The following MCTP1 variants were observed in gnomAD, a reference collection of about 807,000 sequenced individuals.
MCTP1 encodes the protein multiple C2 and transmembrane domain-containing protein 1.
In MCTP1, 69 loss-of-function variants were observed where a neutral mutation model predicts 120.6. The ratio of observed to expected loss-of-function variants is 0.57; its 90% CI spans 0.47 to 0.70. MCTP1 has a LOEUF of 0.70. Among genes scored for constraint, MCTP1 ranks in the 30% least tolerant of loss-of-function variants. The pLI, the probability that MCTP1 is intolerant of heterozygous loss-of-function variation, is 0.00. For missense variants in MCTP1, 1,203 were observed against 1,248.8 expected (o/e 0.96, Z 0.55); for synonymous variants, 529 against 493.1 (o/e 1.07, Z -0.96).
chr5:94,953,898 T>TA lies in MCTP1; in HGVS notation c.839-538dup, dbSNP rs375924579. ...ATATATATGCATATATATACAAATA[T>TA]ATATATGCATATATATACAAATATA... On this transcript the variant is annotated intron_variant, in intron 2 of 22. Transcript: ENST00000515393. Among the ~76,000 whole-genome samples, 33 of 73,512 alleles carry TA rather than the reference T, an allele frequency of 4.5e-4. 3 individuals carry two copies. The highest frequency in any genetic ancestry group is 7.8e-4 in the Admixed American group (5 of 6,422). 48.2% of individuals were successfully genotyped at this position (73,512 alleles called of 152,430 possible).
At chr5:94,933,133 A>G (rs933252620) in intron 5 of MCTP1, among the ~76,000 whole-genome samples, 5 of 151,970 alleles carry the variant, frequency 3.3e-5, no homozygotes, top group Non-Finnish European at 4.4e-5. Flanking sequence ...AATGTTGACC[A>G]AAACATAAAA....
At chr5:95,176,253 G>T (rs1747961834) in intron 1 of MCTP1, among the ~76,000 whole-genome samples, 1 of 152,140 alleles carries the variant, frequency 6.6e-6, no homozygotes, top group South Asian at 2.1e-4. Flanking sequence ...GGCCATGCGT[G>T]GTGGCTCACG....
intron 4 of MCTP1, among the ~76,000 whole-genome samples, chr5:94,941,487 C>T (rs575919473): frequency 6.6e-6 from 1 of 151,988 alleles, no homozygotes; most frequent in Non-Finnish European, 1.5e-5. Context: ...TTATATTTCT[C>T]TAGTCATCTA....
chr5:95,275,438 TCTTGGCTC>T (rs1309724345), intron 1 of MCTP1, among the ~76,000 whole-genome samples: 1 of 152,170 alleles, frequency 6.6e-6, no homozygotes, highest in East Asian at 1.9e-4. Flanking sequence ...CACCAAACCC[TCTTGGCTC>T]CTTGTCTTTA....
rs912056492 is a variant in MCTP1 at position 94,791,009 on chromosome 5, G to A, written c.2556+8004C>T. On this transcript the variant is annotated intron_variant, in intron 18 of 22. Transcript: ENST00000515393. The stretch of plus-strand genomic sequence containing the variant: ...TCAAGCGGGCCAGGCGCGGTGCCTC[G>A]CGCCTGTAATCCCAGCACTTTGGGA... Among the ~76,000 whole-genome samples, 5 of 150,258 alleles carry A rather than the reference G, an allele frequency of 3.3e-5. No homozygotes were observed. The South Asian group carries it at 6.3e-4, about 19-fold the overall frequency.
chr5:95,108,584 C>A (rs969257319), intron 1 of MCTP1, among the ~76,000 whole-genome samples: 1 of 152,170 alleles, frequency 6.6e-6, no homozygotes. Context: ...ACCCCTGCAC[C>A]CTTCAAGTCA....
chr5:95,050,107 A>G (rs1279210417), intron 1 of MCTP1, among the ~76,000 whole-genome samples: 5 of 151,990 alleles, frequency 3.3e-5, no homozygotes, highest in Admixed American at 6.6e-5. Flanking sequence ...AACATGTCCC[A>G]TAGCTTAGGG....
intron 2 of MCTP1, among the ~76,000 whole-genome samples, chr5:94,988,874 A>T (rs1307620303): frequency 2.6e-5 from 4 of 152,098 alleles, no homozygotes; most frequent in African/African-American, 7.2e-5. Context: ...AGAGAATGAG[A>T]GTCCAGCAGA....
At chr5:94,814,685 G>A (rs1438833022) in intron 17 of MCTP1, among the ~76,000 whole-genome samples, 2 of 151,902 alleles carry the variant, frequency 1.3e-5, no homozygotes, top group Admixed American at 6.6e-5. Flanking sequence ...TGAAAAAAAT[G>A]CCAAGGAAAA....
chr5:94,715,363 CAAAAAAAAA>C (rs35567390), intron 19 of MCTP1, among the ~76,000 whole-genome samples: 10 of 70,542 alleles, frequency 1.4e-4, no homozygotes, highest in African/African-American at 5.4e-4. Context: ...ATGAAAACTA[CAAAAAAAAA>C]AAAAAAAAAA....
chr5:94,894,067 G>T (rs986710295), intron 11 of MCTP1, among the ~76,000 whole-genome samples: 6 of 152,148 alleles, frequency 3.9e-5, no homozygotes, highest in African/African-American at 9.7e-5. Context: ...AATTTGAAGA[G>T]GGTAGTCATT....
At chr5:94,865,483 T>C (rs950811931) in intron 17 of MCTP1, among the ~76,000 whole-genome samples, 3 of 151,768 alleles carry the variant, frequency 2.0e-5, no homozygotes, top group Non-Finnish European at 4.4e-5. Flanking sequence ...GTAGAACCGA[T>C]ATTATGATAA....
intron 1 of MCTP1, among the ~76,000 whole-genome samples, chr5:95,131,056 T>G (rs1198283671): frequency 6.6e-6 from 1 of 152,222 alleles, no homozygotes; most frequent in Non-Finnish European, 1.5e-5. Context: ...TTCAATCCAT[T>G]CTGAGAACTG....
chr5:94,782,709 A>G (rs1475685198), intron 18 of MCTP1, among the ~76,000 whole-genome samples: 1 of 145,072 alleles, frequency 6.9e-6, no homozygotes, highest in Non-Finnish European at 1.6e-5. Flanking sequence ...CTCTTCAAAT[A>G]AAACCAAATA....
At chr5:95,057,736 C>T (rs143344144) in intron 1 of MCTP1, among the ~76,000 whole-genome samples, 12 of 152,152 alleles carry the variant, frequency 7.9e-5, no homozygotes, top group East Asian at 7.7e-4. Flanking sequence ...CAGATTTTTC[C>T]GAGAGCAGTC....
At chr5:95,011,558 C>G (rs1040883651) in intron 2 of MCTP1, among the ~76,000 whole-genome samples, 2 of 151,972 alleles carry the variant, frequency 1.3e-5, no homozygotes, top group South Asian at 2.1e-4. Flanking sequence ...CTCATGATAT[C>G]GAGTGAATTC....
intron 18 of MCTP1, among the ~76,000 whole-genome samples, chr5:94,795,985 G>T (rs1218010957): frequency 6.6e-6 from 1 of 152,134 alleles, no homozygotes; most frequent in Admixed American, 6.5e-5. Flanking sequence ...AATCTTAAAG[G>T]TCTCCAAGAA....
At chr5:95,146,501 T>C (rs1469207474) in intron 1 of MCTP1, among the ~76,000 whole-genome samples, 1 of 152,210 alleles carries the variant, frequency 6.6e-6, no homozygotes, top group Non-Finnish European at 1.5e-5. Context: ...TCTTTCTAAC[T>C]TCTTGATGAA....
chr5:95,203,621 A>C (rs896799255), intron 1 of MCTP1, among the ~76,000 whole-genome samples: 1 of 152,224 alleles, frequency 6.6e-6, no homozygotes, highest in African/African-American at 2.4e-5. Context: ...TGCACATTTA[A>C]AAATTAATCA....
Sources: gnomAD v4.1 joint callset for allele counts (sites outside exome capture counted in the v4.1 genomes callset) on GRCh38, gnomAD v4.1.1 for gene constraint, MANE v1.5 for transcripts, NCBI Gene and HGNC (gene_info 2026-07-23, HGNC 2026-07-21) for gene names.